Variants in PRKN observed in about 807,000 individuals in gnomAD.
PRKN encodes E3 ubiquitin-protein ligase parkin.
Under a neutral mutation model 59.5 loss-of-function variants are expected in PRKN, and 56 were observed. The ratio of observed to expected loss-of-function variants is 0.94; its 90% CI spans 0.76 to 1.18. The LOEUF (loss-of-function observed/expected upper bound fraction) is 1.18, where lower values mean the gene tolerates loss of function less well. PRKN is among the 50% of genes most tolerant of loss of function. PRKN has a pLI of 0.00. For synonymous variants in PRKN, 250 were observed against 222.1 expected (o/e 1.13, Z -1.12); for missense variants, 657 against 596.4 (o/e 1.10, Z -1.06).
At chr6:162,282,297 A>T (rs1228039592) in intron 2 of PRKN, among the ~76,000 whole-genome samples, 1 of 152,142 alleles carries the variant, frequency 6.6e-6, no homozygotes, top group Non-Finnish European at 1.5e-5. Context: ...GTCTTCAAAC[A>T]GATATGGACT....
intron 2 of PRKN, among the ~76,000 whole-genome samples, chr6:162,287,744 A>G (rs1308981932): frequency 6.6e-6 from 1 of 152,190 alleles, no homozygotes; most frequent in East Asian, 1.9e-4. Context: ...TTGATAACAA[A>G]TAACTAGCTA....
intron 4 of PRKN, among the ~76,000 whole-genome samples, chr6:162,070,753 T>C (rs916122978): frequency 9.2e-5 from 14 of 152,164 alleles, no homozygotes; most frequent in East Asian, 1.9e-4. Context: ...CAGTTCACAA[T>C]AGAGTTCTTG....
At chr6:162,051,547 G>A (rs1203011479) in intron 5 of PRKN, among the ~76,000 whole-genome samples, 2 of 152,150 alleles carry the variant, frequency 1.3e-5, no homozygotes, top group Admixed American at 6.5e-5. Flanking sequence ...GAGCAGGAGC[G>A]TGGCCTTTGT....
At chr6:162,471,791 T>C (rs1791761204) in intron 1 of PRKN, among the ~76,000 whole-genome samples, 1 of 152,230 alleles carries the variant, frequency 6.6e-6, no homozygotes, top group African/African-American at 2.4e-5. Flanking sequence ...ATCCCAAATC[T>C]GGTAGTACTT....
At chr6:161,692,344 A>C (rs879154049) in intron 7 of PRKN, among the ~76,000 whole-genome samples, 5 of 151,956 alleles carry the variant, frequency 3.3e-5, no homozygotes, top group Admixed American at 2.6e-4. Flanking sequence ...GTAAAATTAA[A>C]CCCCCAGAGT....
intron 1 of PRKN, among the ~76,000 whole-genome samples, chr6:162,590,200 A>T (rs1350949580): frequency 2.0e-5 from 3 of 152,138 alleles, no homozygotes; most frequent in African/African-American, 7.2e-5. Context: ...TCATTATGGA[A>T]TTTTTCATAT....
intron 1 of PRKN, among the ~76,000 whole-genome samples, chr6:162,548,353 G>C (rs535156417): frequency 6.6e-6 from 1 of 152,118 alleles, no homozygotes; most frequent in African/African-American, 2.4e-5. Flanking sequence ...CACCGTGCCT[G>C]GTCCTCTCTC....
chr6:161,353,367 GC>G lies in PRKN; in HGVS notation c.1286-3157del, dbSNP rs1784634760. Reference sequence around the variant, plus strand: ...GGCCAAGAAGAATCTAGACCGGCAGGCCTTGCAGGGTCTCCCCACTCCATCT... The same window carrying G: ...GGCCAAGAAGAATCTAGACCGGCAGGCTTGCAGGGTCTCCCCACTCCATCT... On this transcript the variant is annotated intron_variant, in intron 11 of 11. Coordinates refer to ENST00000366898, the MANE Select transcript of PRKN (RefSeq NM_004562.3). The surrounding 1 kb of genome is among the most constrained non-coding windows in gnomAD (Gnocchi z 4.8). 6.6e-6 allele frequency among the ~76,000 whole-genome samples: 1 copy of G among 152,152 alleles called. No homozygotes were observed. Among genetic ancestry groups the G allele is most frequent in the Non-Finnish European group, 1.5e-5 (1 of 68,024 alleles).
At chr6:162,203,626 G>A (rs962719294) in intron 3 of PRKN, among the ~76,000 whole-genome samples, 1 of 152,184 alleles carries the variant, frequency 6.6e-6, no homozygotes, top group Non-Finnish European at 1.5e-5. Flanking sequence ...CCTGGCTGAA[G>A]GGCCTAAAGT....
intron 9 of PRKN, among the ~76,000 whole-genome samples, chr6:161,514,365 G>C (rs979324446): frequency 5.3e-5 from 8 of 152,056 alleles, no homozygotes; most frequent in African/African-American, 1.9e-4. Flanking sequence ...TGCAGGACAG[G>C]GTCAGACCAT....
At chr6:162,375,778 ACTCT>A (rs932862704) in intron 2 of PRKN, among the ~76,000 whole-genome samples, 7 of 145,464 alleles carry the variant, frequency 4.8e-5, no homozygotes, top group African/African-American at 1.5e-4. Context: ...CACACACCCC[ACTCT>A]CTCTCTCTAG....
At chr6:161,842,278 T>G (rs57071874) in intron 6 of PRKN, among the ~76,000 whole-genome samples, 1 of 151,896 alleles carries the variant, frequency 6.6e-6, no homozygotes, top group Non-Finnish European at 1.5e-5. Flanking sequence ...GCAGGCACAC[T>G]TAAGTTCAGG....
In PRKN at chr6:161,357,048, C is replaced by CTT. The variant is rs35219002; in HGVS notation, c.1285+3038_1285+3039dup. Among the ~76,000 whole-genome samples the CTT allele has an allele frequency of 0.17, 20,042 of 115,492 alleles. 2,385 individuals carry two copies. Among genetic ancestry groups the CTT allele is most frequent in the African/African-American group, 0.28 (8,046 of 29,000 alleles). 75.8% of individuals were successfully genotyped at this position (115,492 alleles called of 152,430 possible). A position where few individuals can be genotyped will look rare whatever the true frequency, so the allele number is the denominator to read the frequency against. ...CAGGTCCAGGTTCGCTGACCACTTC[C>CTT]TTTTTTTTTTTTTTTTTTTTTGAGA... On this transcript the variant is annotated intron_variant, in intron 11 of 11. Transcript: ENST00000366898. The surrounding 1 kb of genome is among the most constrained non-coding windows in gnomAD (Gnocchi z 5.5).
At chr6:162,341,845 T>C (rs113866512) in intron 2 of PRKN, among the ~76,000 whole-genome samples, 2,542 of 151,762 alleles carry the variant, frequency 0.017, 79 homozygotes, top group African/African-American at 0.058. Context: ...CCATGGCATG[T>C]GTATACCTAT....
chr6:162,480,812 C>T (rs9365446), intron 1 of PRKN, among the ~76,000 whole-genome samples: 68,819 of 151,692 alleles, frequency 0.45, 15,852 homozygotes, highest in Middle Eastern at 0.52. Context: ...TTAACTGATT[C>T]TCTTTTTTTT....
At chr6:162,523,622 C>T (rs1778158604) in intron 1 of PRKN, among the ~76,000 whole-genome samples, 1 of 152,098 alleles carries the variant, frequency 6.6e-6, no homozygotes. Context: ...TGAGATCGCA[C>T]CACTGTATTC....
chr6:161,437,456 C>T (rs963470966), intron 9 of PRKN, among the ~76,000 whole-genome samples: 6 of 152,262 alleles, frequency 3.9e-5, no homozygotes, highest in East Asian at 1.9e-4. Flanking sequence ...CTTCGGGCCT[C>T]GGTTGACTGT....
Position 162,603,882 on chromosome 6 carries a change from A to G in PRKN, c.7+123780T>C, listed in dbSNP as rs142619665. Among the ~76,000 whole-genome samples the G allele has an allele frequency of 3.9e-5, 6 of 152,210 alleles. No individual in the cohort carries two copies. The East Asian group carries it at 9.7e-4, about 25-fold the overall frequency. ...AAACCATTTAAGGGAGATCTGCCAG[A>G]CCCCACCAACAGACTCAGATTTTAG... On this transcript the variant is annotated intron_variant, in intron 1 of 11. Transcript: ENST00000366898.
chr6:162,607,935 T>G (rs1781990844), intron 1 of PRKN, among the ~76,000 whole-genome samples: 1 of 152,196 alleles, frequency 6.6e-6, no homozygotes, highest in Admixed American at 6.5e-5. Flanking sequence ...TAGCAAGAGA[T>G]GGGACAAGCA....
Sources: gnomAD v4.1 joint callset for allele counts (sites outside exome capture counted in the v4.1 genomes callset) on GRCh38, gnomAD v4.1.1 for gene constraint, Gnocchi (gnomAD v3.1) non-coding constraint, MANE v1.5 for transcripts, NCBI Gene and HGNC (gene_info 2026-07-23, HGNC 2026-07-21) for gene names.